CHCHD3: variants seen among roughly 807,000 people sequenced by gnomAD.
CHCHD3 encodes the protein MICOS complex subunit MIC19.
CHCHD3 carries 20 observed loss-of-function variants against 38.2 expected under a neutral mutation model. The observed-to-expected ratio is 0.52, with a 90% CI of 0.37 to 0.76. CHCHD3 has a LOEUF of 0.76. Among genes scored for constraint, CHCHD3 ranks in the 30% least tolerant of loss-of-function variants. The pLI is 0.00. For synonymous variants in CHCHD3, 82 were observed against 100.0 expected (o/e 0.82, Z 1.07); for missense variants, 245 against 279.2 (o/e 0.88, Z 0.87).
chr7:133,044,975 G>A (rs1813941072), intron 2 of CHCHD3, among the ~76,000 whole-genome samples: 1 of 152,222 alleles, frequency 6.6e-6, no homozygotes, highest in Admixed American at 6.5e-5. Context: ...GCGGGGTTAG[G>A]GGAGCATGGC....
intron 6 of CHCHD3, among the ~76,000 whole-genome samples, chr7:132,824,096 C>T (rs59865110): frequency 0.03 from 4,593 of 152,110 alleles, 435 homozygotes; most frequent in East Asian, 0.21. Context: ...TTTGAGTGGA[C>T]ATTAGTATAT....
In CHCHD3 at chr7:132,984,622, G is replaced by A. The variant is rs1192809504; in HGVS notation, c.252-9336C>T. ...CCATCCCATCTAGGAAGTGAGGAGC[G>A]TCTCTGCCAGGCCGCCCATCGTCTG... On this transcript the variant is annotated intron_variant, in intron 3 of 7. Transcript: ENST00000262570. Among the ~76,000 whole-genome samples the A allele has an allele frequency of 2.0e-3, 298 of 149,740 alleles. 1 individual carries two copies. Among genetic ancestry groups the A allele is most frequent in the Non-Finnish European group, 3.2e-3 (212 of 67,204 alleles).
intron 6 of CHCHD3, chr7:132,815,373 A>C (rs1032369139): frequency 3.1e-6 from 1 of 320,446 alleles, no homozygotes; most frequent in African/African-American, 2.2e-5. Context: ...ACAAATGCTA[A>C]GCAAAATGGA....
intron 4 of CHCHD3, among the ~76,000 whole-genome samples, chr7:132,969,444 C>T (rs1811555617): frequency 6.6e-6 from 1 of 152,162 alleles, no homozygotes; most frequent in East Asian, 1.9e-4. Context: ...ACAACTGGTG[C>T]AGTATCTGAG....
intron 3 of CHCHD3, among the ~76,000 whole-genome samples, chr7:132,989,688 C>T (rs1386573352): frequency 2.0e-5 from 3 of 152,018 alleles, no homozygotes; most frequent in African/African-American, 4.8e-5. Flanking sequence ...GTTAATGTTC[C>T]TATATCCATG....
intron 6 of CHCHD3, 33 bp downstream of exon 6, chr7:132,838,366 T>C (rs6950300): frequency 0.061 from 84,734 of 1,392,800 alleles, 3,032 homozygotes; most frequent in Non-Finnish European, 0.068. Flanking sequence ...TTGTTAAGAA[T>C]AGTAAATAAT....
chr7:132,979,884 A>G (rs1319910490), intron 3 of CHCHD3, among the ~76,000 whole-genome samples: 5 of 152,196 alleles, frequency 3.3e-5, no homozygotes, highest in African/African-American at 1.2e-4. Flanking sequence ...AAAATATTGC[A>G]TGGCAATTAT....
At chr7:132,951,991 G>T (rs1056664563) in intron 4 of CHCHD3, among the ~76,000 whole-genome samples, 3 of 152,186 alleles carry the variant, frequency 2.0e-5, no homozygotes, top group African/African-American at 7.2e-5. Context: ...AAGATGAGTA[G>T]AAATATTTTC....
chr7:133,022,843 T>C (rs1281033743), intron 3 of CHCHD3, among the ~76,000 whole-genome samples: 1 of 78,146 alleles, frequency 1.3e-5, no homozygotes, highest in African/African-American at 5.1e-5. Flanking sequence ...GGAAGCTGAA[T>C]AATGAAGAAG....
chr7:133,015,297 T>TG (rs1416634464), intron 3 of CHCHD3, among the ~76,000 whole-genome samples: 2 of 151,814 alleles, frequency 1.3e-5, no homozygotes, highest in African/African-American at 4.8e-5. Context: ...GAGCCTAGAT[T>TG]GTGCCACTGC....
chr7:132,805,055 G>A (rs1254897574), intron 6 of CHCHD3, among the ~76,000 whole-genome samples: 1 of 152,244 alleles, frequency 6.6e-6, no homozygotes, highest in Non-Finnish European at 1.5e-5. Flanking sequence ...ATGCAGTGCT[G>A]CGAGGCAGAA....
At chr7:133,004,744 T>A (rs1361788883) in intron 3 of CHCHD3, among the ~76,000 whole-genome samples, 1 of 152,212 alleles carries the variant, frequency 6.6e-6, no homozygotes, top group Non-Finnish European at 1.5e-5. Context: ...TTAAATAACA[T>A]AACACTTTGC....
At chr7:132,981,995 A>G (rs767202491) in intron 3 of CHCHD3, among the ~76,000 whole-genome samples, 3 of 152,350 alleles carry the variant, frequency 2.0e-5, no homozygotes, top group Non-Finnish European at 2.9e-5. Flanking sequence ...CTAACAATGA[A>G]TTTTATTTTA....
intron 4 of CHCHD3, among the ~76,000 whole-genome samples, chr7:132,949,403 G>A (rs1810985036): frequency 6.6e-6 from 1 of 152,068 alleles, no homozygotes; most frequent in Non-Finnish European, 1.5e-5. Context: ...GAGCTTTCTT[G>A]GACCCTGTGG....
intron 4 of CHCHD3, among the ~76,000 whole-genome samples, chr7:132,908,353 C>T (rs1809849029): frequency 6.6e-6 from 1 of 152,100 alleles, no homozygotes; most frequent in Admixed American, 6.5e-5. Flanking sequence ...TAAGAGGCTA[C>T]TATATAAAGT....
At chr7:132,880,482 G>A (rs551149193) in intron 5 of CHCHD3, among the ~76,000 whole-genome samples, 19 of 152,200 alleles carry the variant, frequency 1.2e-4, no homozygotes, top group African/African-American at 4.1e-4. Flanking sequence ...AATTTAAATG[G>A]CTAGTGAAGA....
At chr7:132,844,074 C>T (rs113012699) in intron 5 of CHCHD3, among the ~76,000 whole-genome samples, 3,286 of 152,258 alleles carry the variant, frequency 0.022, 79 homozygotes, top group South Asian at 0.1. Flanking sequence ...CTAAGGCGGG[C>T]GGATCACTTG....
chr7:133,010,728 G>C (rs1281954557), intron 3 of CHCHD3, among the ~76,000 whole-genome samples: 2 of 152,050 alleles, frequency 1.3e-5, no homozygotes, highest in Admixed American at 1.3e-4. Context: ...ACGGATGCCT[G>C]CCACCATACC....
At chr7:132,957,559 T>C (rs1001120948) in intron 4 of CHCHD3, among the ~76,000 whole-genome samples, 5 of 152,170 alleles carry the variant, frequency 3.3e-5, no homozygotes, top group African/African-American at 1.2e-4. Flanking sequence ...CTCAGCTCAC[T>C]GCAACCTCTG....
Sources: allele counts gnomAD v4.1 joint callset (sites outside exome capture counted in the v4.1 genomes callset), GRCh38; gene constraint gnomAD v4.1.1; transcripts MANE v1.5; gene names NCBI Gene and HGNC (gene_info 2026-07-23, HGNC 2026-07-21).